Variants in MAJIN observed in about 807,000 individuals in gnomAD.
MAJIN encodes the protein membrane anchored junction protein.
A neutral mutation model predicts 30.2 loss-of-function variants in MAJIN; 27 were observed. The ratio of observed to expected loss-of-function variants is 0.89; its 90% CI spans 0.66 to 1.23. MAJIN has a LOEUF of 1.23. Among genes scored for constraint, MAJIN ranks in the 50% most tolerant of loss-of-function variants. The probability of loss-of-function intolerance (pLI) is 0.00; values close to 1 mark genes in which losing one functional copy is unlikely to be tolerated. For missense variants in MAJIN, 253 were observed against 260.3 expected (o/e 0.97, Z 0.19); for synonymous variants, 78 against 91.6 (o/e 0.85, Z 0.85).
At chr11:64,947,737 AAAG>A (rs199856914) in intron 7 of MAJIN, 48 bp downstream of exon 7, 19,869 of 1,581,976 alleles carry the variant, frequency 0.013, 144 homozygotes, top group Non-Finnish European at 0.015. Context: ...TTTTTGGAAA[AAAG>A]AAGGTGATAA....
rs1213098333 is a variant in MAJIN at position 64,939,769 on chromosome 11, T to C, written c.547-2A>G. The C allele has an allele frequency of 1.2e-6, 2 of 1,613,276 alleles. No homozygotes were observed. The highest frequency in any genetic ancestry group is 8.5e-7 in the Non-Finnish European group (1 of 1,179,566). On this transcript the variant is annotated splice_acceptor_variant, in intron 9 of 10. Transcript: ENST00000301896. LOFTEE classifies it high-confidence loss of function. Reference sequence around the variant, plus strand: ...GCAGGCTGTGTCCCCACTCAGAATCTGTAAGGAAAACAATCAGGCAGGAGC... The same window carrying C: ...GCAGGCTGTGTCCCCACTCAGAATCCGTAAGGAAAACAATCAGGCAGGAGC...
intron 1 of MAJIN, among the ~76,000 whole-genome samples, chr11:64,961,103 T>C (rs1945714634): frequency 6.6e-6 from 1 of 152,152 alleles, no homozygotes; most frequent in Non-Finnish European, 1.5e-5. Flanking sequence ...GCCCACCTGG[T>C]TAGACTTACA....
At chr11:64,946,728 G>C (rs1945457888) in intron 8 of MAJIN, among the ~76,000 whole-genome samples, 1 of 152,110 alleles carries the variant, frequency 6.6e-6, no homozygotes, top group African/African-American at 2.4e-5. Flanking sequence ...TATTCCAGCA[G>C]CATTCTTATT....
intron 8 of MAJIN, among the ~76,000 whole-genome samples, chr11:64,943,554 C>T (rs1337747897): frequency 6.6e-6 from 1 of 152,220 alleles, no homozygotes; most frequent in Non-Finnish European, 1.5e-5. Context: ...GTGACTTACA[C>T]TGAGAGTCAC....
At chr11:64,946,269 T>G in intron 8 of MAJIN, 1 of 1,167,588 alleles carries the variant, frequency 8.6e-7, no homozygotes, top group Non-Finnish European at 1.2e-6. Flanking sequence ...ATACTACTCC[T>G]GGCTGGCAGA....
rs569809446 is a variant in MAJIN, at chr11:64,969,528, G to T, written c.-65+2349C>A. ...AAAAATCCCTCCTGGCTGCAATGTG[G>T]GAAACAACCCGGAACAAGAACAGAT... On this transcript the variant is annotated intron_variant, in intron 1 of 10. Transcript: ENST00000301896. Among the ~76,000 whole-genome samples, 4 of 152,074 alleles carry T rather than the reference G, an allele frequency of 2.6e-5. No individual in the cohort carries two copies. In the East Asian group the frequency reaches 7.7e-4, roughly 29 times the overall value.
chr11:64,952,423 G>A (rs1945567548), intron 4 of MAJIN, among the ~76,000 whole-genome samples: 1 of 152,066 alleles, frequency 6.6e-6, no homozygotes, highest in Non-Finnish European at 1.5e-5. Flanking sequence ...CCTGACCTCA[G>A]GTGATCCACC....
chr11:64,962,988 G>A (rs988760034), intron 1 of MAJIN, among the ~76,000 whole-genome samples: 2 of 152,080 alleles, frequency 1.3e-5, no homozygotes, highest in Non-Finnish European at 2.9e-5. Flanking sequence ...TTGGCCGGGC[G>A]TGGTGGGGGG....
At chr11:64,947,295 G>A (rs527934328) in intron 8 of MAJIN, 79 bp downstream of exon 8, 6 of 1,273,590 alleles carry the variant, frequency 4.7e-6, no homozygotes, top group East Asian at 2.4e-5. Context: ...ACTCGCCCAA[G>A]GACAGGATCA....
intron 4 of MAJIN, chr11:64,954,428 T>C: frequency 2.3e-6 from 1 of 433,848 alleles, no homozygotes; most frequent in South Asian, 2.1e-5. Context: ...ATGGTGAGGT[T>C]TCCCAGAGCC....
chr11:64,941,389 C>T (rs540079260), intron 8 of MAJIN, among the ~76,000 whole-genome samples: 1 of 152,096 alleles, frequency 6.6e-6, no homozygotes, highest in Non-Finnish European at 1.5e-5. Context: ...GGCATGGTGA[C>T]TCATGCCTGT....
intron 1 of MAJIN, among the ~76,000 whole-genome samples, chr11:64,966,504 C>A (rs999922664): frequency 4.6e-5 from 7 of 151,778 alleles, no homozygotes; most frequent in African/African-American, 1.7e-4. Context: ...CACTGCAATC[C>A]GGCCTGGGCA....
chr11:64,939,760 C>A lies in MAJIN; in HGVS notation c.554G>T (p.Ser185Ile). 6 of 1,613,686 alleles carry A rather than the reference C, an allele frequency of 3.7e-6. No individual in the cohort carries two copies. The highest frequency in any genetic ancestry group is 5.1e-6 in the Non-Finnish European group (6 of 1,179,796). ...TTCGCCCTGGCAGGCTGTGTCCCCACTCAGAATCTGTAAGGAAAACAATCA... is the reference window on the plus strand; with the variant it reads ...TTCGCCCTGGCAGGCTGTGTCCCCAATCAGAATCTGTAAGGAAAACAATCA... ...ISLMSRNKIL[S>I]GDTACQGELS... Residue 185 changes from serine to isoleucine, a missense_variant, in exon 10 of 11, where the codon AGT becomes ATT. Physicochemically the swap from Ser to Ile is moderately radical, Grantham distance 142. Coordinates refer to ENST00000301896, the MANE Select transcript of MAJIN (RefSeq NM_001037225.3).
intron 3 of MAJIN, among the ~76,000 whole-genome samples, chr11:64,956,380 T>C (rs1345483907): frequency 6.6e-6 from 1 of 151,856 alleles, no homozygotes; most frequent in East Asian, 1.9e-4. Context: ...TTCCAGTTAC[T>C]TGGGAGGTTG....
chr11:64,964,834 C>T (rs144713247), intron 1 of MAJIN, among the ~76,000 whole-genome samples: 2 of 152,234 alleles, frequency 1.3e-5, no homozygotes, highest in African/African-American at 4.8e-5. Flanking sequence ...GATCCACCCA[C>T]CTTGCCCTCC....
chr11:64,943,669 T>G (rs1475960690), intron 8 of MAJIN, among the ~76,000 whole-genome samples: 1 of 152,202 alleles, frequency 6.6e-6, no homozygotes, highest in Non-Finnish European at 1.5e-5. Context: ...TTCCTTTTAC[T>G]AGAGTTTTTT....
At chr11:64,955,701 C>T (rs1487308700) in intron 3 of MAJIN, among the ~76,000 whole-genome samples, 1 of 152,212 alleles carries the variant, frequency 6.6e-6, no homozygotes, top group Non-Finnish European at 1.5e-5. Flanking sequence ...TTTCCGTCCA[C>T]CATTTTGAGT....
In MAJIN at chr11:64,951,764, C is replaced by CA. The variant is rs11329539; in HGVS notation, c.148-1335dup. The stretch of plus-strand genomic sequence containing the variant: ...TAGGCAACAGAGCAAAACCTTGTCT[C>CA]AAAAAAAAAAAAAAAAAAAAAAGAT... On this transcript the variant is annotated intron_variant, in intron 4 of 10. Coordinates refer to ENST00000301896, the MANE Select transcript of MAJIN (RefSeq NM_001037225.3). Among the ~76,000 whole-genome samples, 159 of 95,822 alleles carry CA rather than the reference C, an allele frequency of 1.7e-3. 1 individual carries two copies. In the East Asian group the frequency reaches 0.021, roughly 13 times the overall value. The allele number at this position is 95,822 out of a possible 152,430, so 62.9% of individuals were successfully genotyped here.
chr11:64,946,438 A>G (rs1945453437), intron 8 of MAJIN, among the ~76,000 whole-genome samples: 1 of 152,228 alleles, frequency 6.6e-6, no homozygotes, highest in African/African-American at 2.4e-5. Context: ...ACCCAGAGAA[A>G]GGGAAGATCT....
Sources: gnomAD v4.1 joint callset for allele counts (sites outside exome capture counted in the v4.1 genomes callset) on GRCh38, gnomAD v4.1.1 for gene constraint, MANE v1.5 for transcripts, NCBI Gene and HGNC (gene_info 2026-07-23, HGNC 2026-07-21) for gene names.